The following NME7 variants were observed in gnomAD, a reference collection of about 807,000 sequenced individuals.
NME7 encodes NME/NM23 family member 7, also known as nucleoside diphosphate kinase 7.
In NME7, 41 loss-of-function variants were observed where a neutral mutation model predicts 49.1. The observed-to-expected ratio is 0.83, with a 90% CI of 0.65 to 1.08. The LOEUF is 1.08. Among genes scored for constraint, NME7 ranks in the 50% least tolerant of loss-of-function variants. NME7 has a pLI of 0.00. For synonymous variants in NME7, 139 were observed against 150.6 expected (o/e 0.92, Z 0.56); for missense variants, 423 against 463.4 (o/e 0.91, Z 0.80).
At chr1:169,306,929 G>A (rs962847556) in intron 4 of NME7, among the ~76,000 whole-genome samples, 2 of 152,290 alleles carry the variant, frequency 1.3e-5, no homozygotes, top group African/African-American at 4.8e-5. Context: ...AAAGCAAATA[G>A]AGCAGAGCCC....
At chr1:169,316,821 C>T (rs760666057) in intron 3 of NME7, among the ~76,000 whole-genome samples, 2 of 152,018 alleles carry the variant, frequency 1.3e-5, no homozygotes, top group Non-Finnish European at 1.5e-5. Flanking sequence ...CTGATCTTTA[C>T]CTGATGAGAT....
At chr1:169,159,979 TCAGTTCC>T (rs1659196712) in intron 11 of NME7, among the ~76,000 whole-genome samples, 1 of 152,186 alleles carries the variant, frequency 6.6e-6, no homozygotes, top group Non-Finnish European at 1.5e-5. Flanking sequence ...AAAGCTTCTC[TCAGTTCC>T]TAGACTTACA....
At chr1:169,328,754 T>C (rs1325389846) in intron 1 of NME7, among the ~76,000 whole-genome samples, 2 of 152,216 alleles carry the variant, frequency 1.3e-5, no homozygotes, top group Admixed American at 1.3e-4. Context: ...TCTGTTTTTG[T>C]CAATAAAAAT....
chr1:169,362,994 C>T (rs983907499), intron 1 of NME7, among the ~76,000 whole-genome samples: 1 of 151,966 alleles, frequency 6.6e-6, no homozygotes, highest in African/African-American at 2.4e-5. Context: ...AATCCCAACA[C>T]TTTGAGAGGC....
chr1:169,331,223 A>T (rs1652243847), intron 1 of NME7, among the ~76,000 whole-genome samples: 1 of 152,198 alleles, frequency 6.6e-6, no homozygotes. Flanking sequence ...CCATACAATC[A>T]TGTCCATTGA....
Position 169,354,558 on chromosome 1 carries a change from C to G in NME7, c.3+13150G>C, listed in dbSNP as rs534885783. Among the ~76,000 whole-genome samples the G allele has an allele frequency of 1.4e-4, 21 of 151,218 alleles. No individual in the cohort carries two copies. In the South Asian group the frequency reaches 4.4e-3, roughly 32 times the overall value. On this transcript the variant is annotated intron_variant, in intron 1 of 11. Transcript: ENST00000367811. ...TGTTTGTTAACACAAAGAATAAATA[C>G]TTGAGGAAATGGATACCAAATTTTC...
intron 10 of NME7, among the ~76,000 whole-genome samples, chr1:169,217,208 T>G (rs1020932434): frequency 1.7e-4 from 26 of 152,306 alleles, no homozygotes; most frequent in African/African-American, 6.3e-4. Flanking sequence ...AGCACTCCAA[T>G]AATAACAAAT....
At chr1:169,164,458 G>T (rs1214633910) in intron 11 of NME7, among the ~76,000 whole-genome samples, 1 of 152,110 alleles carries the variant, frequency 6.6e-6, no homozygotes, top group Non-Finnish European at 1.5e-5. Context: ...ATTACTATTT[G>T]CTAGGCACAA....
intron 10 of NME7, among the ~76,000 whole-genome samples, chr1:169,204,507 C>CT (rs1355454725): frequency 6.6e-6 from 1 of 152,034 alleles, no homozygotes; most frequent in East Asian, 1.9e-4. Context: ...ATCTCAATGC[C>CT]TATGTGACAT....
In NME7 at chr1:169,156,388, G is replaced by A. The variant is rs371096919; in HGVS notation, c.1098+13059C>T. 5.9e-5 allele frequency among the ~76,000 whole-genome samples: 9 copies of A among 152,242 alleles called. No homozygotes were observed. The East Asian group carries it at 7.7e-4, about 13-fold the overall frequency. On this transcript the variant is annotated intron_variant, in intron 11 of 11. Coordinates refer to ENST00000367811, the MANE Select transcript of NME7 (RefSeq NM_013330.5). The stretch of plus-strand genomic sequence containing the variant: ...AGAACCATTTCCCAGGGAATAGGTA[G>A]AGAAGATGCAAAAAGTGCTGAGACA...
rs148056780 is a variant in NME7, at chr1:169,260,345, C to T, written c.755-22658G>A. ...TCATAGACTTTTCTGAAAGATACTA[C>T]CTTTTCTTTAGAAATCGTCCCTCTT... On this transcript the variant is annotated intron_variant, in intron 7 of 11. Coordinates refer to ENST00000367811, the MANE Select transcript of NME7 (RefSeq NM_013330.5). Among the ~76,000 whole-genome samples the T allele has an allele frequency of 2.5e-4, 34 of 133,430 alleles. 4 individuals carry two copies. The East Asian group carries it at 6.7e-3, about 26-fold the overall frequency. The allele number at this position is 133,430 out of a possible 152,430, so 87.5% of individuals were successfully genotyped here. A position where few individuals can be genotyped will look rare whatever the true frequency, so the allele number is the denominator to read the frequency against.
Position 169,281,589 on chromosome 1 carries a change from T to C in NME7, c.754+5714A>G, listed in dbSNP as rs145768733. 3.6e-3 allele frequency among the ~76,000 whole-genome samples: 542 copies of C among 152,326 alleles called. 1 individual carries two copies. The highest frequency in any genetic ancestry group is 6.0e-3 in the Non-Finnish European group (405 of 68,032). The stretch of plus-strand genomic sequence containing the variant: ...ATTCAGTATGATATTGGCTGTGGGT[T>C]TGTCATAAATCGCTCTTATTATTTT... On this transcript the variant is annotated intron_variant, in intron 7 of 11. Transcript: ENST00000367811.
At chr1:169,165,572 G>A (rs970345452) in intron 11 of NME7, among the ~76,000 whole-genome samples, 2 of 152,044 alleles carry the variant, frequency 1.3e-5, no homozygotes, top group Admixed American at 6.5e-5. Flanking sequence ...GTGTTTAATT[G>A]GGCAATAAAT....
chr1:169,270,273 G>A (rs1481731411), intron 7 of NME7, among the ~76,000 whole-genome samples: 1 of 133,166 alleles, frequency 7.5e-6, no homozygotes, highest in Admixed American at 7.4e-5. Flanking sequence ...AAAATTTCAG[G>A]GTTCTACTAC....
intron 10 of NME7, among the ~76,000 whole-genome samples, chr1:169,171,026 C>T (rs1453009382): frequency 6.6e-6 from 1 of 152,114 alleles, no homozygotes; most frequent in Non-Finnish European, 1.5e-5. Flanking sequence ...TACTAACGTT[C>T]TTTTTCTTAT....
At chr1:169,249,149 T>G (rs897305092) in intron 7 of NME7, among the ~76,000 whole-genome samples, 3 of 152,152 alleles carry the variant, frequency 2.0e-5, no homozygotes, top group African/African-American at 7.2e-5. Context: ...TTGTGTCATC[T>G]ATGATTTCTA....
intron 6 of NME7, among the ~76,000 whole-genome samples, chr1:169,289,256 C>T (rs6685384): frequency 2.0e-3 from 307 of 152,264 alleles, no homozygotes; most frequent in African/African-American, 6.8e-3. Flanking sequence ...TCACTGGCTA[C>T]TCCCTCTCAG....
At chr1:169,216,711 C>T (rs1660982052) in intron 10 of NME7, among the ~76,000 whole-genome samples, 1 of 152,148 alleles carries the variant, frequency 6.6e-6, no homozygotes, top group Non-Finnish European at 1.5e-5. Context: ...TGGAATTGAA[C>T]CCTCAACCTA....
intron 10 of NME7, among the ~76,000 whole-genome samples, chr1:169,194,086 A>G (rs1365598988): frequency 1.3e-5 from 2 of 152,172 alleles, no homozygotes; most frequent in African/African-American, 4.8e-5. Flanking sequence ...TAGGGAAATG[A>G]AAATGAGTTA....
Sources: gnomAD v4.1 joint callset for allele counts (sites outside exome capture counted in the v4.1 genomes callset) on GRCh38, gnomAD v4.1.1 for gene constraint, MANE v1.5 for transcripts, NCBI Gene and HGNC (gene_info 2026-07-23, HGNC 2026-07-21) for gene names.